CD302: variants seen among roughly 807,000 people sequenced by gnomAD.
The protein encoded by CD302 is CD302 antigen.
CD302 carries 23 observed loss-of-function variants against 26.5 expected under a neutral mutation model. The observed-to-expected ratio is 0.87, with a 90% CI of 0.62 to 1.23. CD302 has a LOEUF of 1.23. Ranked by LOEUF, CD302 falls within the 50% of genes most tolerant of loss-of-function variation. The pLI, the probability that CD302 is intolerant of heterozygous loss-of-function variation, is 0.00. For missense variants in CD302, 290 were observed against 275.5 expected (o/e 1.05, Z -0.37); for synonymous variants, 90 against 99.4 (o/e 0.91, Z 0.56).
intron 1 of CD302, among the ~76,000 whole-genome samples, chr2:159,795,338 T>A (rs971564882): frequency 6.6e-6 from 1 of 152,190 alleles, no homozygotes; most frequent in Non-Finnish European, 1.5e-5. Context: ...TGAAAAAAAT[T>A]GCAATCCACT....
intron 5 of CD302, among the ~76,000 whole-genome samples, chr2:159,774,736 T>C (rs1026548382): frequency 6.6e-6 from 1 of 152,208 alleles, no homozygotes; most frequent in African/African-American, 2.4e-5. Flanking sequence ...TGACCTTTCC[T>C]GTGTGCTTGC....
Position 159,770,633 on chromosome 2 carries a change from T to G in CD302, c.*1218A>C, listed in dbSNP as rs908499582. 2 of 152,200 alleles carry G rather than the reference T, an allele frequency of 1.3e-5. No individual in the cohort carries two copies. Among genetic ancestry groups the G allele is most frequent in the Non-Finnish European group, 2.9e-5 (2 of 68,016 alleles). The allele number at this position is 152,200 out of a possible 1,614,324, so 9.4% of individuals were successfully genotyped here. A position where few individuals can be genotyped will look rare whatever the true frequency, so the allele number is the denominator to read the frequency against. Reference sequence around the variant, plus strand: ...ACTTCAGTCAGTAATGGACCACATATAGAACAGTGTTTCCTTAGTAGACCA... The same window carrying G: ...ACTTCAGTCAGTAATGGACCACATAGAGAACAGTGTTTCCTTAGTAGACCA... On this transcript the variant is annotated 3_prime_UTR_variant, in exon 6 of 6. Transcript: ENST00000259053.
chr2:159,790,882 A>G (rs1468816006), intron 1 of CD302, among the ~76,000 whole-genome samples: 2 of 152,264 alleles, frequency 1.3e-5, no homozygotes, highest in Non-Finnish European at 2.9e-5. Context: ...AACACCATTT[A>G]TATAAAATAA....
chr2:159,795,692 C>A (rs1708935638), intron 1 of CD302, among the ~76,000 whole-genome samples: 1 of 152,170 alleles, frequency 6.6e-6, no homozygotes, highest in Admixed American at 6.5e-5. Flanking sequence ...ACAGAAGGAC[C>A]AGAGGTGTTG....
chr2:159,772,173 CTGA>C, intron 5 of CD302, 120 bp from the exon 6 acceptor site: 3 of 1,244,292 alleles, frequency 2.4e-6, no homozygotes, highest in Non-Finnish European at 1.1e-6. Context: ...ATTTCCCACA[CTGA>C]TGAGAAAACC....
intron 5 of CD302, among the ~76,000 whole-genome samples, chr2:159,775,869 CT>C (rs1365235458): frequency 6.7e-6 from 1 of 149,806 alleles, no homozygotes; most frequent in African/African-American, 2.5e-5. Flanking sequence ...AGAATTTGGC[CT>C]TTTATGACTG....
At chr2:159,784,685 C>T (rs1225475945) in intron 1 of CD302, among the ~76,000 whole-genome samples, 4 of 152,036 alleles carry the variant, frequency 2.6e-5, no homozygotes, top group African/African-American at 9.7e-5. Flanking sequence ...TTAATATAAA[C>T]AAGTAGAAGC....
chr2:159,772,708 C>T (rs897568864), intron 5 of CD302, among the ~76,000 whole-genome samples: 1 of 152,158 alleles, frequency 6.6e-6, no homozygotes, highest in Non-Finnish European at 1.5e-5. Context: ...TAGTAATCGA[C>T]TCTAAAGAAT....
intron 1 of CD302, among the ~76,000 whole-genome samples, chr2:159,784,448 T>C (rs1399607682): frequency 1.4e-5 from 2 of 141,474 alleles, no homozygotes; most frequent in Non-Finnish European, 3.0e-5. Context: ...CTCTGCCTCC[T>C]GGGCTCAAGG....
chr2:159,784,671 C>A (rs1708618522), intron 1 of CD302, among the ~76,000 whole-genome samples: 1 of 151,984 alleles, frequency 6.6e-6, no homozygotes. Flanking sequence ...TCTGCATTAC[C>A]TTTTTAATAT....
chr2:159,772,103 T>C, intron 5 of CD302, 50 bp from the exon 6 acceptor site: 1 of 1,575,994 alleles, frequency 6.3e-7, no homozygotes. Flanking sequence ...GTACACAAGT[T>C]GCAAGTATAT....
Position 159,788,087 on chromosome 2 carries a change from C to T in CD302, c.68-4618G>A, listed in dbSNP as rs189961403. Among the ~76,000 whole-genome samples, 445 of 147,734 alleles carry T rather than the reference C, an allele frequency of 3.0e-3. No individual in the cohort carries two copies. The Middle Eastern group carries it at 0.045, about 15-fold the overall frequency. On this transcript the variant is annotated intron_variant, in intron 1 of 5. Transcript: ENST00000259053. ...GCACCACTGCACTCCAGCCTGACAA[C>T]AGAGTGAGACTCCGTCTCAAAAAAA...
At chr2:159,777,286 A>C (rs1378670156) in intron 5 of CD302, among the ~76,000 whole-genome samples, 1 of 152,218 alleles carries the variant, frequency 6.6e-6, no homozygotes, top group Non-Finnish European at 1.5e-5. Context: ...GGTGCTCAAC[A>C]TCATTATCAG....
chr2:159,775,518 C>T (rs996353025), intron 5 of CD302, among the ~76,000 whole-genome samples: 2 of 152,200 alleles, frequency 1.3e-5, no homozygotes, highest in African/African-American at 2.4e-5. Flanking sequence ...TGCTCCTGCT[C>T]CACTACTCAC....
rs927389822 is a variant in CD302, at chr2:159,769,201, A to T, written c.*2650T>A. 9 of 152,226 alleles carry T rather than the reference A, an allele frequency of 5.9e-5. No homozygotes were observed. In the East Asian group the frequency reaches 1.7e-3, roughly 29 times the overall value. The allele number at this position is 152,226 out of a possible 1,614,324, so 9.4% of individuals were successfully genotyped here. A position where few individuals can be genotyped will look rare whatever the true frequency, so the allele number is the denominator to read the frequency against. On this transcript the variant is annotated 3_prime_UTR_variant, in exon 6 of 6. Transcript: ENST00000259053. ...TGTTATTCTGAATATCTGCCAAAGA[A>T]TTATATTGTTATTACTAGCTAGAAC... is the stretch of plus-strand genomic sequence containing the variant.
rs527915537 is a variant in CD302, at chr2:159,770,724, C to T, written c.*1127G>A. 1 of 152,218 alleles carries T rather than the reference C, an allele frequency of 6.6e-6. No homozygotes were observed. Among genetic ancestry groups the T allele is most frequent in the East Asian group, 1.9e-4 (1 of 5,180 alleles). 9.4% of individuals were successfully genotyped at this position (152,218 alleles called of 1,614,324 possible). ...TTGTGTTACAATTGTCTGCAGTATTCAGCACAGTAACATGCTGTGTAGGTT... is the reference window on the plus strand; with the variant it reads ...TTGTGTTACAATTGTCTGCAGTATTTAGCACAGTAACATGCTGTGTAGGTT... On this transcript the variant is annotated 3_prime_UTR_variant, in exon 6 of 6. Transcript: ENST00000259053.
In CD302 at chr2:159,771,584, G is replaced by A. The variant is rs1574481579; in HGVS notation, c.*267C>T. On this transcript the variant is annotated 3_prime_UTR_variant, in exon 6 of 6. Coordinates refer to ENST00000259053, the MANE Select transcript of CD302 (RefSeq NM_014880.5). Reference sequence around the variant, plus strand: ...TGGGCTTTTATTTTTATCTGCTTGGGCTTTAAGCTTTCCTTCATTCAAGTG... The same window carrying A: ...TGGGCTTTTATTTTTATCTGCTTGGACTTTAAGCTTTCCTTCATTCAAGTG... 3 of 346,812 alleles carry A rather than the reference G, an allele frequency of 8.7e-6. No homozygotes were observed. In the East Asian group the frequency reaches 1.8e-4, roughly 20 times the overall value. 21.5% of individuals were successfully genotyped at this position (346,812 alleles called of 1,614,324 possible). A position where few individuals can be genotyped will look rare whatever the true frequency, so the allele number is the denominator to read the frequency against.
Position 159,780,880 on chromosome 2 carries a change from A to G in CD302, c.295+2T>C. 6.2e-7 allele frequency: 1 copy of G among 1,611,568 alleles called. No individual in the cohort carries two copies. Among genetic ancestry groups the G allele is most frequent in the Non-Finnish European group, 8.5e-7 (1 of 1,179,022 alleles). ...ACGTCCCACGAGGTAAATATCACTT[A>G]CCATCTGTGTCATAAAACATGCCTA... On this transcript the variant is annotated splice_donor_variant, in intron 3 of 5. Transcript: ENST00000259053. LOFTEE classifies it high-confidence loss of function.
intron 1 of CD302, among the ~76,000 whole-genome samples, chr2:159,794,769 C>T (rs903900041): frequency 2.7e-5 from 4 of 150,398 alleles, no homozygotes; most frequent in African/African-American, 7.3e-5. Context: ...AGGATGGTCT[C>T]GATCTCCTGA....
Sources: allele counts gnomAD v4.1 joint callset (sites outside exome capture counted in the v4.1 genomes callset), GRCh38; gene constraint gnomAD v4.1.1; transcripts MANE v1.5; gene names NCBI Gene and HGNC (gene_info 2026-07-23, HGNC 2026-07-21).